The following TAF1B variants were observed in gnomAD, a reference collection of about 807,000 sequenced individuals.
TAF1B encodes the protein TATA-box binding protein associated factor, RNA polymerase I subunit B, also known as TATA box-binding protein-associated factor RNA polymerase I subunit B.
A neutral mutation model predicts 83.9 loss-of-function variants in TAF1B; 61 were observed. That is an observed-to-expected ratio of 0.73 (90% CI 0.59 to 0.90). The LOEUF (loss-of-function observed/expected upper bound fraction) is 0.90. Among genes scored for constraint, TAF1B ranks in the 40% least tolerant of loss-of-function variants. TAF1B has a pLI of 0.00. For missense variants in TAF1B, 625 were observed against 677.0 expected (o/e 0.92, Z 0.85); for synonymous variants, 221 against 224.6 (o/e 0.98, Z 0.14).
At chr2:9,908,707 C>T (rs1403246065) in intron 9 of TAF1B, among the ~76,000 whole-genome samples, 1 of 152,180 alleles carries the variant, frequency 6.6e-6, no homozygotes, top group Admixed American at 6.5e-5. Flanking sequence ...TCAGGTGACA[C>T]CTGTAAATTG....
intron 7 of TAF1B, among the ~76,000 whole-genome samples, 160 bp downstream of exon 7, chr2:9,876,178 G>A (rs1303197094): frequency 1.3e-5 from 2 of 152,122 alleles, no homozygotes; most frequent in Admixed American, 1.3e-4. Context: ...AATCCCCCCT[G>A]GGCTAGTAAT....
intron 8 of TAF1B, among the ~76,000 whole-genome samples, chr2:9,886,433 A>G (rs1664676060): frequency 6.6e-6 from 1 of 152,180 alleles, no homozygotes; most frequent in Non-Finnish European, 1.5e-5. Flanking sequence ...GGTATTTTAT[A>G]ATTTCAGTTA....
intron 12 of TAF1B, among the ~76,000 whole-genome samples, chr2:9,916,254 A>G (rs1490217965): frequency 6.6e-6 from 1 of 152,256 alleles, no homozygotes; most frequent in Non-Finnish European, 1.5e-5. Context: ...ATGCAGACAG[A>G]CAAGAGAGAA....
intron 12 of TAF1B, 78 bp downstream of exon 12, chr2:9,913,327 A>G (rs765911265): frequency 2.5e-6 from 3 of 1,180,408 alleles, no homozygotes; most frequent in Middle Eastern, 1.9e-4. Flanking sequence ...CTGAAGCTTC[A>G]TCAGTATACA....
intron 8 of TAF1B, among the ~76,000 whole-genome samples, chr2:9,884,226 A>C (rs1664601252): frequency 6.6e-6 from 1 of 152,198 alleles, no homozygotes; most frequent in South Asian, 2.1e-4. Context: ...ACACGGTGGT[A>C]CCTGGGAGCT....
chr2:9,856,858 C>G (rs1228386528), intron 5 of TAF1B, among the ~76,000 whole-genome samples: 1 of 152,110 alleles, frequency 6.6e-6, no homozygotes, highest in Non-Finnish European at 1.5e-5. Context: ...CAGCTATACT[C>G]TATTTTGAAA....
chr2:9,928,341 A>G (rs1415599832), intron 14 of TAF1B, among the ~76,000 whole-genome samples: 1 of 152,190 alleles, frequency 6.6e-6, no homozygotes, highest in Non-Finnish European at 1.5e-5. Context: ...TGTTTTGGCA[A>G]TGCGGGCTCT....
In TAF1B at chr2:9,845,278, A is replaced by G. The variant is rs1241071153; in HGVS notation, c.77A>G (p.Glu26Gly). 5 of 1,613,836 alleles carry G rather than the reference A, an allele frequency of 3.1e-6. No homozygotes were observed. The highest frequency in any genetic ancestry group is 1.3e-5 in the African/African-American group (1 of 74,928). Residue 26 changes from glutamate to glycine, a missense_variant, in exon 2 of 15, where the codon GAA becomes GGA. Glu to Gly is a moderately conservative substitution (Grantham distance 98). Coordinates refer to ENST00000263663, the MANE Select transcript of TAF1B (RefSeq NM_005680.3). ...GCTGTCTCATGGGGTCTTACTGATG[A>G]AGGCAAATATTATTGCACTTCTTGC... ...CAAVSWGLTD[E>G]GKYYCTSCHN... is the part of the protein sequence containing the mutation.
At chr2:9,869,987 A>G (rs1049432111) in intron 6 of TAF1B, among the ~76,000 whole-genome samples, 10 of 152,236 alleles carry the variant, frequency 6.6e-5, no homozygotes, top group African/African-American at 2.4e-4. Context: ...CGCTACTGCT[A>G]TTGTAGATCA....
chr2:9,867,952 C>G (rs1260171010), intron 5 of TAF1B, among the ~76,000 whole-genome samples: 1 of 152,134 alleles, frequency 6.6e-6, no homozygotes, highest in Non-Finnish European at 1.5e-5. Flanking sequence ...AAGAAGCCAG[C>G]CAGCATGTGT....
At chr2:9,923,561 C>A (rs1665943005) in intron 14 of TAF1B, among the ~76,000 whole-genome samples, 1 of 152,062 alleles carries the variant, frequency 6.6e-6, no homozygotes, top group South Asian at 2.1e-4. Context: ...TGCCTGTAAT[C>A]CCAGCTACTT....
At chr2:9,846,313 TGTG>T in intron 2 of TAF1B, 1 of 342,520 alleles carries the variant, frequency 2.9e-6, no homozygotes, top group East Asian at 7.8e-5. Context: ...TAGGTCCTAT[TGTG>T]GTGAACACAC....
intron 12 of TAF1B, among the ~76,000 whole-genome samples, chr2:9,916,942 GT>G (rs1320844280): frequency 6.8e-6 from 1 of 147,492 alleles, no homozygotes; most frequent in Non-Finnish European, 1.5e-5. Flanking sequence ...CGCCTCCCGG[GT>G]TCAAGCAGTT....
intron 14 of TAF1B, among the ~76,000 whole-genome samples, chr2:9,931,769 A>G (rs1666220639): frequency 1.3e-5 from 2 of 152,192 alleles, no homozygotes; most frequent in Admixed American, 6.5e-5. Flanking sequence ...GTGTTTTCCA[A>G]CTTGGTTCCA....
intron 8 of TAF1B, among the ~76,000 whole-genome samples, chr2:9,904,364 T>C (rs1558259650): frequency 6.6e-6 from 1 of 152,186 alleles, no homozygotes; most frequent in Non-Finnish European, 1.5e-5. Flanking sequence ...AGTATTTGGA[T>C]TTTTGTTACT....
chr2:9,887,433 G>A (rs1664713512), intron 8 of TAF1B, among the ~76,000 whole-genome samples: 1 of 152,120 alleles, frequency 6.6e-6, no homozygotes, highest in Non-Finnish European at 1.5e-5. Flanking sequence ...ATTACTAGGT[G>A]TGTAACATTT....
chr2:9,851,992 A>G (rs1663411409), intron 4 of TAF1B: 1 of 482,540 alleles, frequency 2.1e-6, no homozygotes, highest in Admixed American at 2.3e-5. Context: ...GTTATTCACA[A>G]TTTGAGAACA....
chr2:9,850,660 C>A (rs1663355392), intron 3 of TAF1B, among the ~76,000 whole-genome samples: 1 of 152,136 alleles, frequency 6.6e-6, no homozygotes, highest in African/African-American at 2.4e-5. Flanking sequence ...CTCAGAAGCT[C>A]TGTGTAAAAA....
At chr2:9,932,772 C>T (rs1666255735) in intron 14 of TAF1B, among the ~76,000 whole-genome samples, 1 of 151,010 alleles carries the variant, frequency 6.6e-6, no homozygotes, top group Non-Finnish European at 1.5e-5. Context: ...GTGTGCTGCC[C>T]CCAGAGGTGT....
Sources: gnomAD v4.1 joint callset for allele counts (sites outside exome capture counted in the v4.1 genomes callset) on GRCh38, gnomAD v4.1.1 for gene constraint, MANE v1.5 for transcripts, NCBI Gene and HGNC (gene_info 2026-07-23, HGNC 2026-07-21) for gene names.